Variants in CSF2RA observed in about 807,000 individuals in gnomAD.
The protein encoded by CSF2RA is granulocyte-macrophage colony-stimulating factor receptor subunit alpha.
In CSF2RA, 42 loss-of-function variants were observed where a neutral mutation model predicts 51.6. The ratio of observed to expected loss-of-function variants is 0.81; its 90% CI spans 0.64 to 1.05. The LOEUF (loss-of-function observed/expected upper bound fraction) is 1.05. Among genes scored for constraint, CSF2RA ranks in the 50% least tolerant of loss-of-function variants. CSF2RA has a pLI of 0.00. For synonymous variants in CSF2RA, 222 were observed against 193.0 expected, an observed-to-expected ratio of 1.15 and a Z score of -1.24; for missense variants, 530 against 501.1, an observed-to-expected ratio of 1.06 and a Z score of -0.55.
intron 6 of CSF2RA, among the ~76,000 whole-genome samples, chrX:1,290,025 T>C (rs1417029652): frequency 2.0e-5 from 3 of 147,860 alleles, no homozygotes; most frequent in Non-Finnish European, 4.5e-5. Context: ...TTTTGTGTTT[T>C]TGTGTTTTGT....
chrX:1,293,651 G>C (rs1360156072), intron 7 of CSF2RA, among the ~76,000 whole-genome samples: 6 of 146,630 alleles, frequency 4.1e-5, no homozygotes, highest in Non-Finnish European at 7.5e-5. Flanking sequence ...ACAAAGAGGT[G>C]TTTCTACTCC....
chrX:1,275,855 G>A (rs2089124402), intron 2 of CSF2RA, among the ~76,000 whole-genome samples: 1 of 152,034 alleles, frequency 6.6e-6, no homozygotes, highest in Admixed American at 6.6e-5. Flanking sequence ...ACCACGCCCG[G>A]CCAATTTTTG....
At chrX:1,282,544 A>T in intron 2 of CSF2RA, 134 bp from the exon 3 acceptor site, 1 of 753,278 alleles carries the variant, frequency 1.3e-6, no homozygotes, top group Non-Finnish European at 2.5e-6. Context: ...GCTGGCCATG[A>T]CCCCTCATTT....
the CSF2RA span, among the ~76,000 whole-genome samples, chrX:1,315,509 T>C: frequency 6.6e-6 from 1 of 152,140 alleles, no homozygotes; most frequent in African/African-American, 2.4e-5. Flanking sequence ...GTTCAAGTGA[T>C]TCTCCTGCCT....
At position 1,273,791 on chromosome X, in the gene CSF2RA, G is replaced by A. The variant is rs1238857935; in HGVS notation, c.-90-964G>A. On this transcript the variant is annotated intron_variant, in intron 1 of 12. Coordinates refer to ENST00000381529, the MANE Select transcript of CSF2RA (RefSeq NM_172245.4). ...TATTTTTTTTTTTTAGTAGAGATGG[G>A]GTTTCACTGTGTTTGCCAGGATGGT... Among the ~76,000 whole-genome samples, 6 of 147,214 alleles carry A rather than the reference G, an allele frequency of 4.1e-5. No homozygotes were observed. In the Admixed American group the frequency reaches 4.2e-4, roughly 10 times the overall value.
chrX:1,315,128 G>T (rs1322155830), downstream of CSF2RA, among the ~76,000 whole-genome samples: 3 of 152,146 alleles, frequency 2.0e-5, no homozygotes, highest in East Asian at 1.9e-4. Context: ...CTGTGGGGGG[G>T]AGGGTCATCG....
chrX:1,289,007 G>C, intron 6 of CSF2RA, 119 bp downstream of exon 6: 1 of 1,403,840 alleles, frequency 7.1e-7, no homozygotes. Context: ...TGTTGCCCAG[G>C]CTGCAATGCA....
intron 9 of CSF2RA, among the ~76,000 whole-genome samples, chrX:1,299,594 C>G (rs755372468): frequency 1.3e-5 from 2 of 151,692 alleles, no homozygotes; most frequent in South Asian, 4.2e-4. Flanking sequence ...GCACCCACCC[C>G]CACACCTGGC....
downstream of CSF2RA, among the ~76,000 whole-genome samples, chrX:1,312,166 T>C (rs2084220049): frequency 6.6e-6 from 1 of 151,978 alleles, no homozygotes; most frequent in South Asian, 2.1e-4. Context: ...CATGTTGACC[T>C]GACCACAGGT....
intron 9 of CSF2RA, among the ~76,000 whole-genome samples, chrX:1,298,870 C>T (rs1405451683): frequency 1.3e-5 from 2 of 152,020 alleles, no homozygotes; most frequent in South Asian, 4.1e-4. Context: ...AGAAGGAGAG[C>T]CTGCCCCACG....
rs749685011 is a variant in CSF2RA at position 1,309,529 on chromosome X, G to T, written c.*50G>T. On this transcript the variant is annotated 3_prime_UTR_variant, in exon 13 of 13. Coordinates refer to ENST00000381529, the MANE Select transcript of CSF2RA (RefSeq NM_172245.4). The stretch of plus-strand genomic sequence containing the variant: ...TGGACATCTCCGCCTCCGCGACACG[G>T]GGGAACTGTTTTCTTGATGATGCTG... The T allele has an allele frequency of 6.8e-6, 11 of 1,613,974 alleles. No homozygotes were observed. In the South Asian group the frequency reaches 1.1e-4, roughly 16 times the overall value.
intron 1 of CSF2RA, among the ~76,000 whole-genome samples, chrX:1,269,257 G>T (rs1379682966): frequency 6.6e-6 from 1 of 152,156 alleles, no homozygotes; most frequent in Admixed American, 6.6e-5. Context: ...ACAGGGCGTT[G>T]GGGTGTAGTA....
chrX:1,280,964 T>C lies in CSF2RA; in HGVS notation c.-26-1714T>C, dbSNP rs1321415138. 5.9e-3 allele frequency among the ~76,000 whole-genome samples: 162 copies of C among 27,308 alleles called. 2 individuals are homozygous for C. Among genetic ancestry groups the C allele is most frequent in the East Asian group, 0.014 (5 of 362 alleles). The allele number at this position is 27,308 out of a possible 152,430, so 17.9% of individuals were successfully genotyped here. A position where few individuals can be genotyped will look rare whatever the true frequency, so the allele number is the denominator to read the frequency against. On this transcript the variant is annotated intron_variant, in intron 2 of 12. Transcript: ENST00000381529. The stretch of plus-strand genomic sequence containing the variant: ...TCCTCCTGCTTCTCCTCCTCCTCCT[T>C]CTCCTCCTCCTGCTTCTCCTCCTCC...
chrX:1,316,260 TGATAGATAGATAGATA>T, the CSF2RA span, among the ~76,000 whole-genome samples: 42 of 94,192 alleles, frequency 4.5e-4, no homozygotes, highest in Non-Finnish European at 5.7e-4. Flanking sequence ...ATTAGATAGA[TGATAGATAGATAGATA>T]GATAGATAGA....
the CSF2RA span, among the ~76,000 whole-genome samples, chrX:1,325,054 C>T: frequency 6.6e-6 from 1 of 151,730 alleles, no homozygotes; most frequent in Non-Finnish European, 1.5e-5. Context: ...TACCTGGTGC[C>T]CCGTCCTGAG....
Position 1,290,443 on chromosome X carries a change from G to C in CSF2RA, c.580G>C (p.Val194Leu). 1 of 1,613,874 alleles carries C rather than the reference G, an allele frequency of 6.2e-7. No homozygotes were observed. The highest frequency in any genetic ancestry group is 2.2e-5 in the East Asian group (1 of 44,890). ...SGLTSRNYFL[V>L]NGTSREIGIQ... ...ATTAACGTCTCGCAATTACTTTCTG[G>C]TTAACGGAACCAGCCGAGAAATTGG... is the stretch of plus-strand genomic sequence containing the variant. Residue 194 changes from valine (V) to leucine (L), a missense_variant, in exon 7 of 13, where the codon GTT (valine) becomes CTT (leucine). Val to Leu is a conservative substitution (Grantham distance 32). Transcript: ENST00000381529.
At position 1,309,530 on chromosome X, in the gene CSF2RA, G is replaced by A. The variant is rs143398916; in HGVS notation, c.*51G>A. On this transcript the variant is annotated 3_prime_UTR_variant, in exon 13 of 13. Transcript: ENST00000381529. ...GGACATCTCCGCCTCCGCGACACGG[G>A]GGAACTGTTTTCTTGATGATGCTGT... 9,851 of 1,613,952 alleles carry A rather than the reference G, an allele frequency of 6.1e-3. 48 individuals carry two copies. The highest frequency in any genetic ancestry group is 0.017 in the South Asian group (1,529 of 91,072).
At chrX:1,270,669 T>C (rs1430193223) in intron 1 of CSF2RA, among the ~76,000 whole-genome samples, 1 of 151,808 alleles carries the variant, frequency 6.6e-6, no homozygotes, top group Non-Finnish European at 1.5e-5. Context: ...ATTGATCTGT[T>C]CACATATCTT....
chrX:1,303,745 T>G (rs1465760603), intron 10 of CSF2RA, among the ~76,000 whole-genome samples, 178 bp from the exon 11 acceptor site: 1 of 152,194 alleles, frequency 6.6e-6, no homozygotes, highest in Admixed American at 6.5e-5. Flanking sequence ...GGCAGGTTGC[T>G]TTCATCTCAG....
Sources: gnomAD v4.1 joint callset for allele counts (sites outside exome capture counted in the v4.1 genomes callset) on GRCh38, gnomAD v4.1.1 for gene constraint, MANE v1.5 for transcripts, NCBI Gene and HGNC (gene_info 2026-07-23, HGNC 2026-07-21) for gene names.